Variants in KCNAB1 observed in about 807,000 individuals in gnomAD.
The protein encoded by KCNAB1 is potassium voltage-gated channel subfamily A regulatory beta subunit 1, also known as voltage-gated potassium channel subunit beta-1.
KCNAB1 carries 35 observed loss-of-function variants against 64.6 expected under a neutral mutation model. The ratio of observed to expected loss-of-function variants is 0.54; its 90% CI spans 0.41 to 0.72. KCNAB1 has a LOEUF of 0.72. Ranked by LOEUF, KCNAB1 falls within the 30% of genes least tolerant of loss-of-function variation. The pLI is 0.00. For synonymous variants in KCNAB1, 177 were observed against 183.8 expected (o/e 0.96, Z 0.30); for missense variants, 401 against 512.9 (o/e 0.78, Z 2.11).
intron 1 of KCNAB1, among the ~76,000 whole-genome samples, chr3:156,161,775 A>C (rs1716094899): frequency 6.6e-6 from 1 of 152,238 alleles, no homozygotes; most frequent in South Asian, 2.1e-4. Context: ...AAAATACTTA[A>C]GTATGTGAGC....
intron 12 of KCNAB1, among the ~76,000 whole-genome samples, chr3:156,528,850 A>G (rs1295091150): frequency 6.6e-6 from 1 of 152,224 alleles, no homozygotes; most frequent in Non-Finnish European, 1.5e-5. Context: ...TGCCAAGGTA[A>G]GAATTAAGAA....
chr3:156,309,858 G>A (rs1409698428), intron 1 of KCNAB1, among the ~76,000 whole-genome samples: 1 of 152,204 alleles, frequency 6.6e-6, no homozygotes, highest in Non-Finnish European at 1.5e-5. Flanking sequence ...AAGAGAATTA[G>A]TTCTAGAATT....
At chr3:156,211,249 A>T (rs993079324) in intron 1 of KCNAB1, among the ~76,000 whole-genome samples, 1 of 152,260 alleles carries the variant, frequency 6.6e-6, no homozygotes, top group Non-Finnish European at 1.5e-5. Flanking sequence ...GAACAAAAAA[A>T]GTCACAAAAT....
intron 1 of KCNAB1, among the ~76,000 whole-genome samples, chr3:156,365,303 A>G (rs1444674832): frequency 1.3e-5 from 2 of 152,226 alleles, no homozygotes; most frequent in Non-Finnish European, 2.9e-5. Context: ...GAGATATTTA[A>G]TGACGGAACA....
chr3:156,390,333 G>A (rs1712937689), intron 1 of KCNAB1, among the ~76,000 whole-genome samples: 1 of 152,006 alleles, frequency 6.6e-6, no homozygotes, highest in African/African-American at 2.4e-5. Context: ...GGTAGTCTAA[G>A]CATTCCTTGA....
chr3:156,298,312 G>A (rs1720931445), intron 1 of KCNAB1, among the ~76,000 whole-genome samples: 1 of 152,202 alleles, frequency 6.6e-6, no homozygotes, highest in African/African-American at 2.4e-5. Context: ...GTGCGCACGT[G>A]GACGTGAAGG....
chr3:156,529,075 TG>T (rs1197743111), intron 12 of KCNAB1, among the ~76,000 whole-genome samples: 1 of 152,184 alleles, frequency 6.6e-6, no homozygotes, highest in East Asian at 1.9e-4. Context: ...AGAAGACAGC[TG>T]AACCGGAGAA....
intron 10 of KCNAB1, 111 bp from the exon 11 acceptor site, chr3:156,516,159 C>A: frequency 1.5e-6 from 1 of 682,404 alleles, no homozygotes; most frequent in South Asian, 1.8e-5. Flanking sequence ...TTTATCTGGC[C>A]AGCTTTTCCC....
chr3:156,458,732 C>T (rs1712649857), intron 4 of KCNAB1, among the ~76,000 whole-genome samples: 1 of 152,140 alleles, frequency 6.6e-6, no homozygotes, highest in Admixed American at 6.6e-5. Flanking sequence ...TGCTTAGTAC[C>T]AAATGGCACT....
At chr3:156,449,945 C>T (rs2108274209) in intron 2 of KCNAB1, among the ~76,000 whole-genome samples, 1 of 152,316 alleles carries the variant, frequency 6.6e-6, no homozygotes, top group Admixed American at 6.5e-5. Context: ...AGAGATAGGG[C>T]TATCCCCTGT....
chr3:156,533,008 T>A (rs4680282), intron 13 of KCNAB1, among the ~76,000 whole-genome samples: 126,219 of 152,186 alleles, frequency 0.83, 52,449 homozygotes, highest in East Asian at 0.98. Flanking sequence ...TGAATTAAAA[T>A]ATCTATCCCT....
intron 8 of KCNAB1, among the ~76,000 whole-genome samples, chr3:156,501,949 A>G (rs369551203): frequency 1.8e-4 from 28 of 152,274 alleles, no homozygotes; most frequent in African/African-American, 6.0e-4. Context: ...TAAACCTACC[A>G]TATCTTGTGA....
intron 1 of KCNAB1, among the ~76,000 whole-genome samples, chr3:156,230,174 T>C (rs1716435871): frequency 6.6e-6 from 1 of 152,248 alleles, no homozygotes; most frequent in African/African-American, 2.4e-5. Context: ...ATTTATCTAT[T>C]CATTTAACAA....
intron 3 of KCNAB1, chr3:156,456,137 A>G (rs1431686123): frequency 6.6e-6 from 1 of 152,232 alleles, no homozygotes; most frequent in Non-Finnish European, 1.5e-5. Context: ...AGGACCCTCA[A>G]GGCCAGAAAT....
intron 1 of KCNAB1, among the ~76,000 whole-genome samples, chr3:156,292,545 T>C (rs1242003078): frequency 5.9e-5 from 9 of 152,142 alleles, no homozygotes; most frequent in Non-Finnish European, 1.5e-5. Context: ...TATCTTTTGT[T>C]TGTTTTGTTT....
At chr3:156,366,084 A>G (rs1390434660) in intron 1 of KCNAB1, among the ~76,000 whole-genome samples, 2 of 152,220 alleles carry the variant, frequency 1.3e-5, no homozygotes, top group Admixed American at 1.3e-4. Context: ...GTTGATAAAA[A>G]TTATTATAAC....
intron 1 of KCNAB1, among the ~76,000 whole-genome samples, chr3:156,296,952 T>A (rs1720824671): frequency 6.6e-6 from 1 of 152,212 alleles, no homozygotes; most frequent in African/African-American, 2.4e-5. Flanking sequence ...AAATTGATGA[T>A]CCATATGGTT....
intron 1 of KCNAB1, among the ~76,000 whole-genome samples, chr3:156,390,951 G>A (rs902295878): frequency 6.6e-6 from 1 of 152,092 alleles, no homozygotes; most frequent in African/African-American, 2.4e-5. Context: ...AGTGTTCCCA[G>A]AACAAGAGCA....
chr3:156,196,135 C>T (rs115497396), intron 1 of KCNAB1, among the ~76,000 whole-genome samples: 2,604 of 152,110 alleles, frequency 0.017, 47 homozygotes, highest in South Asian at 0.03. Flanking sequence ...TGTTCTGTTC[C>T]ACTGGTGTAT....
Sources: gnomAD v4.1 joint callset for allele counts (sites outside exome capture counted in the v4.1 genomes callset) on GRCh38, gnomAD v4.1.1 for gene constraint, MANE v1.5 for transcripts, NCBI Gene and HGNC (gene_info 2026-07-23, HGNC 2026-07-21) for gene names.